CDH13: variants seen among roughly 807,000 people sequenced by gnomAD.
The protein encoded by CDH13 is cadherin-13.
A neutral mutation model predicts 63.8 loss-of-function variants in CDH13; 24 were observed. That is an observed-to-expected ratio of 0.38 (90% confidence interval 0.27 to 0.53). CDH13 has a LOEUF of 0.53. CDH13 is among the 20% of genes least tolerant of loss of function. CDH13 has a pLI of 0.85. For synonymous variants in CDH13, 503 were observed against 355.3 expected, an observed-to-expected ratio of 1.42 and a Z score of -4.67; for missense variants, 1,049 against 903.1, an observed-to-expected ratio of 1.16 and a Z score of -2.07.
At chr16:82,660,476 G>A (rs890458542) in intron 1 of CDH13, among the ~76,000 whole-genome samples, 1 of 152,150 alleles carries the variant, frequency 6.6e-6, no homozygotes, top group Non-Finnish European at 1.5e-5. Flanking sequence ...ACCAGTTGGT[G>A]AACGTCAGTC....
intron 7 of CDH13, among the ~76,000 whole-genome samples, chr16:83,581,051 G>A (rs1905549647): frequency 6.6e-6 from 1 of 152,124 alleles, no homozygotes; most frequent in African/African-American, 2.4e-5. Context: ...CTTTTATGTT[G>A]TTAAAATCCT....
chr16:83,671,581 A>G (rs1914504776), intron 9 of CDH13, among the ~76,000 whole-genome samples: 1 of 152,150 alleles, frequency 6.6e-6, no homozygotes, highest in Non-Finnish European at 1.5e-5. Flanking sequence ...TTCTTTATAC[A>G]TTTGCTAAGG....
At chr16:83,142,854 G>A (rs908194847) in intron 4 of CDH13, among the ~76,000 whole-genome samples, 8 of 152,166 alleles carry the variant, frequency 5.3e-5, no homozygotes, top group Non-Finnish European at 1.0e-4. Context: ...TGGAATCCCA[G>A]CCCTTTGGGA....
chr16:83,699,822 A>G (rs1210331453), intron 10 of CDH13, among the ~76,000 whole-genome samples: 2 of 152,090 alleles, frequency 1.3e-5, no homozygotes, highest in Non-Finnish European at 2.9e-5. Flanking sequence ...ATCCGTCTGT[A>G]TTTCTCACAA....
Position 83,146,767 on chromosome 16 carries a change from G to T in CDH13, c.483+21266G>T, listed in dbSNP as rs371714832. 2.0e-5 allele frequency among the ~76,000 whole-genome samples: 3 copies of T among 152,108 alleles called. No homozygotes were observed. The South Asian group carries it at 6.2e-4, about 32-fold the overall frequency. On this transcript the variant is annotated intron_variant, in intron 4 of 13. Transcript: ENST00000567109. ...AGGCCATAGATATTTCAAAAAAAAT[G>T]GTATGTTCAAAGTATTATTTTAAAA...
chr16:83,219,047 C>T (rs138774288), intron 5 of CDH13, among the ~76,000 whole-genome samples: 3 of 152,158 alleles, frequency 2.0e-5, no homozygotes, highest in South Asian at 2.1e-4. Flanking sequence ...TACCCAGTCC[C>T]GGGTATGTCT....
In CDH13 at chr16:83,191,463, A is replaced by ATG. The variant is rs1338950282; in HGVS notation, c.484-25881_484-25880insGT. 8.8e-4 allele frequency among the ~76,000 whole-genome samples: 73 copies of ATG among 82,846 alleles called. 2 individuals carry two copies. Among genetic ancestry groups the ATG allele is most frequent in the Non-Finnish European group, 7.2e-5 (3 of 41,578 alleles). 54.4% of individuals were successfully genotyped at this position (82,846 alleles called of 152,430 possible). A position where few individuals can be genotyped will look rare whatever the true frequency, so the allele number is the denominator to read the frequency against. ...GAAGGACAGAACTAATAGGAAATAT[A>ATG]TATATATATATATATATATATATAT... is the stretch of plus-strand genomic sequence containing the variant. On this transcript the variant is annotated intron_variant, in intron 4 of 13. Coordinates refer to ENST00000567109, the MANE Select transcript of CDH13 (RefSeq NM_001257.5).
chr16:83,553,538 G>A (rs748716838), intron 7 of CDH13, among the ~76,000 whole-genome samples: 1 of 152,054 alleles, frequency 6.6e-6, no homozygotes, highest in Non-Finnish European at 1.5e-5. Context: ...AGGAATCAAA[G>A]TGATGGGTTT....
chr16:83,314,067 G>A (rs2090055892), intron 5 of CDH13, among the ~76,000 whole-genome samples: 1 of 152,186 alleles, frequency 6.6e-6, no homozygotes, highest in Non-Finnish European at 1.5e-5. Context: ...TTTACCTGCT[G>A]TCAAATCTCA....
chr16:82,646,487 C>T (rs948227791), intron 1 of CDH13, among the ~76,000 whole-genome samples: 1 of 152,150 alleles, frequency 6.6e-6, no homozygotes, highest in Non-Finnish European at 1.5e-5. Context: ...AGTCACCGCG[C>T]CTGGCCTAAG....
rs1017422461 is a variant in CDH13, at chr16:83,699,075, C to G, written c.1538+20614C>G. Among the ~76,000 whole-genome samples the G allele has an allele frequency of 5.3e-5, 8 of 152,342 alleles. No individual in the cohort carries two copies. In the East Asian group the frequency reaches 1.5e-3, roughly 29 times the overall value. On this transcript the variant is annotated intron_variant, in intron 10 of 13. Transcript: ENST00000567109. ...TGAATCTCATCCAGTGGTTTCCTCT[C>G]AACATCTTGTGTAGTGCCTGCCCCG...
intron 10 of CDH13, among the ~76,000 whole-genome samples, chr16:83,679,545 C>T (rs952894125): frequency 6.6e-6 from 1 of 152,214 alleles, no homozygotes; most frequent in Non-Finnish European, 1.5e-5. Flanking sequence ...TACGGCTAAG[C>T]TTTCTGAATG....
At chr16:83,588,219 C>G (rs1906365701) in intron 7 of CDH13, among the ~76,000 whole-genome samples, 1 of 152,208 alleles carries the variant, frequency 6.6e-6, no homozygotes, top group Admixed American at 6.5e-5. Context: ...CAGCCAAAGC[C>G]TCATCACCCT....
At chr16:83,160,770 C>G (rs2037413258) in intron 4 of CDH13, among the ~76,000 whole-genome samples, 1 of 152,186 alleles carries the variant, frequency 6.6e-6, no homozygotes, top group African/African-American at 2.4e-5. Context: ...GCTCGGAAAC[C>G]TCCTGCCTGC....
chr16:83,114,466 T>G (rs2035205454), intron 3 of CDH13, among the ~76,000 whole-genome samples: 1 of 152,186 alleles, frequency 6.6e-6, no homozygotes, highest in Non-Finnish European at 1.5e-5. Context: ...ATCCTATGAA[T>G]CCACCAACCA....
chr16:83,530,054 A>G (rs8057445), intron 7 of CDH13, among the ~76,000 whole-genome samples: 1,969 of 152,242 alleles, frequency 0.013, 48 homozygotes, highest in African/African-American at 0.045. Flanking sequence ...GACATGAAGC[A>G]TGTTCTCTGA....
chr16:83,530,548 T>C (rs1265709115), intron 7 of CDH13, among the ~76,000 whole-genome samples: 2 of 152,230 alleles, frequency 1.3e-5, no homozygotes, highest in Non-Finnish European at 2.9e-5. Context: ...TTAGGATTAA[T>C]GGTCTCTGTG....
intron 5 of CDH13, among the ~76,000 whole-genome samples, chr16:83,230,140 A>G (rs1308532033): frequency 6.6e-6 from 1 of 152,132 alleles, no homozygotes; most frequent in Non-Finnish European, 1.5e-5. Flanking sequence ...GGCATTTCAC[A>G]ATTAGTCGTG....
Position 82,676,876 on chromosome 16 carries a change from G to T in CDH13, c.45+49739G>T, listed in dbSNP as rs969957198. On this transcript the variant is annotated intron_variant, in intron 1 of 13. Transcript: ENST00000567109. ...TTTGTTTTGGGTTTCTTTGTTTTTTGTTTTGTTTTGTTTTGTTTTGTTTTT... is the reference window on the plus strand; with the variant it reads ...TTTGTTTTGGGTTTCTTTGTTTTTTTTTTTGTTTTGTTTTGTTTTGTTTTT... Among the ~76,000 whole-genome samples, 8 of 141,848 alleles carry T rather than the reference G, an allele frequency of 5.6e-5. No individual in the cohort carries two copies. The East Asian group carries it at 1.2e-3, about 21-fold the overall frequency. 93.1% of individuals were successfully genotyped at this position (141,848 alleles called of 152,430 possible). A position where few individuals can be genotyped will look rare whatever the true frequency, so the allele number is the denominator to read the frequency against.
Sources: gnomAD v4.1 joint callset for allele counts (sites outside exome capture counted in the v4.1 genomes callset) on GRCh38, gnomAD v4.1.1 for gene constraint, MANE v1.5 for transcripts, NCBI Gene and HGNC (gene_info 2026-07-23, HGNC 2026-07-21) for gene names.